Variants in ASIC2 observed in about 807,000 individuals in gnomAD.
ASIC2 encodes acid sensing ion channel subunit 2, also known as acid-sensing ion channel 2.
Under a neutral mutation model 57.3 loss-of-function variants are expected in ASIC2, and 25 were observed. The ratio of observed to expected loss-of-function variants is 0.44; its 90% confidence interval spans 0.32 to 0.61. The LOEUF (loss-of-function observed/expected upper bound fraction) is 0.61. Among genes scored for constraint, ASIC2 ranks in the 20% least tolerant of loss-of-function variants. ASIC2 has a pLI of 0.06. For missense variants in ASIC2, 641 were observed against 738.1 expected (o/e 0.87, Z 1.52); for synonymous variants, 319 against 307.5 (o/e 1.04, Z -0.39).
chr17:33,019,324 G>T (rs901341128), intron 7 of ASIC2, among the ~76,000 whole-genome samples: 2 of 151,928 alleles, frequency 1.3e-5, no homozygotes. Context: ...CTGTGGAGGT[G>T]AGCAGAGTGT....
chr17:33,711,685 A>T (rs932642728), intron 1 of ASIC2, among the ~76,000 whole-genome samples: 1 of 152,150 alleles, frequency 6.6e-6, no homozygotes, highest in Non-Finnish European at 1.5e-5. Flanking sequence ...GAAGAGAGAG[A>T]GAGTGAAGGG....
At chr17:33,882,353 T>C (rs1914721752) in intron 1 of ASIC2, among the ~76,000 whole-genome samples, 1 of 152,104 alleles carries the variant, frequency 6.6e-6, no homozygotes, top group South Asian at 2.1e-4. Context: ...ATTTTTGCAA[T>C]CTACTCATCT....
In ASIC2 at chr17:34,067,882, C is replaced by T. The variant is rs139745933; in HGVS notation, c.555+88096G>A. ...TATGGTATAGCAATATATAGATACA[C>T]AGATGATAGACAGATGGATAAATGA... On this transcript the variant is annotated intron_variant, in intron 1 of 9. Coordinates refer to the ASIC2 transcript ENST00000359872. 7.0e-3 allele frequency among the ~76,000 whole-genome samples: 1,059 copies of T among 152,280 alleles called. 9 individuals are homozygous for T. Among genetic ancestry groups the T allele is most frequent in the African/African-American group, 0.024 (991 of 41,554 alleles).
intron 1 of ASIC2, among the ~76,000 whole-genome samples, chr17:33,115,214 T>G (rs1597585140): frequency 1.3e-5 from 2 of 152,242 alleles, no homozygotes; most frequent in East Asian, 3.9e-4. Context: ...ACGTGCCAGG[T>G]GTGAGCTGAC....
chr17:33,488,305 G>A (rs892030350), intron 1 of ASIC2, among the ~76,000 whole-genome samples: 22 of 152,024 alleles, frequency 1.4e-4, no homozygotes, highest in African/African-American at 5.1e-4. Context: ...CCTCACCTCC[G>A]CACCTTCGCA....
At chr17:33,814,336 C>T (rs972319830) in intron 1 of ASIC2, among the ~76,000 whole-genome samples, 3 of 152,082 alleles carry the variant, frequency 2.0e-5, no homozygotes, top group Admixed American at 2.0e-4. Flanking sequence ...AAAAAGTATC[C>T]GTGTGTGACC....
chr17:34,007,188 T>C (rs1473825793), intron 1 of ASIC2, among the ~76,000 whole-genome samples: 1 of 152,176 alleles, frequency 6.6e-6, no homozygotes, highest in Non-Finnish European at 1.5e-5. Context: ...AAATCGATTT[T>C]AGAGCTCAAG....
intron 1 of ASIC2, among the ~76,000 whole-genome samples, chr17:33,271,066 T>C (rs1332149538): frequency 6.6e-6 from 1 of 152,176 alleles, no homozygotes; most frequent in Non-Finnish European, 1.5e-5. Context: ...CTCCTGCTTC[T>C]AAACAGGGGA....
intron 1 of ASIC2, among the ~76,000 whole-genome samples, chr17:33,438,333 C>T (rs776929760): frequency 6.6e-6 from 1 of 152,156 alleles, no homozygotes; most frequent in Non-Finnish European, 1.5e-5. Context: ...AATGATTGTG[C>T]AAGCCCATGG....
intron 1 of ASIC2, among the ~76,000 whole-genome samples, chr17:33,453,307 T>C (rs1338356288): frequency 6.7e-6 from 1 of 150,204 alleles, no homozygotes; most frequent in Non-Finnish European, 1.5e-5. Flanking sequence ...AAAAAGAAAC[T>C]GATTTTACAT....
chr17:34,095,629 A>AT (rs55666781), intron 1 of ASIC2, among the ~76,000 whole-genome samples: 3 of 80,792 alleles, frequency 3.7e-5, no homozygotes, highest in African/African-American at 1.0e-4. Flanking sequence ...ATATATATAT[A>AT]ATTTTATATA....
chr17:33,180,881 C>T (rs147379641), intron 1 of ASIC2, among the ~76,000 whole-genome samples: 2 of 152,082 alleles, frequency 1.3e-5, no homozygotes, highest in East Asian at 3.9e-4. Context: ...CCAAGCAAGT[C>T]TGGTTGGTTC....
intron 1 of ASIC2, among the ~76,000 whole-genome samples, chr17:33,381,493 C>A (rs1909486797): frequency 6.6e-6 from 1 of 152,246 alleles, no homozygotes; most frequent in Non-Finnish European, 1.5e-5. Context: ...TGTGTGCTTT[C>A]ATCCAGGAGG....
chr17:33,292,035 C>T lies in ASIC2; in HGVS notation c.81G>A (p.Pro27=). The T allele has an allele frequency of 1.7e-6, 2 of 1,155,320 alleles. No individual in the cohort carries two copies. Among genetic ancestry groups the T allele is most frequent in the Non-Finnish European group, 2.1e-6 (2 of 944,908 alleles). 71.6% of individuals were successfully genotyped at this position (1,155,320 alleles called of 1,614,324 possible). A position where few individuals can be genotyped will look rare whatever the true frequency, so the allele number is the denominator to read the frequency against. ...CGGCAGCCGCCAACGCCGCGGGCGC[C>T]GGCTCCTCGCGGGCCATGCGGAAGC... ...PGRFRMAREE[P]APAALAAAGQ... Residue 27 remains proline, a synonymous_variant, in exon 1 of 10, where the codon CCG becomes CCA. Coordinates refer to ENST00000225823, the MANE Select transcript of ASIC2 (RefSeq NM_183377.2).
chr17:33,858,497 G>A (rs559318801), intron 1 of ASIC2, among the ~76,000 whole-genome samples: 6 of 152,190 alleles, frequency 3.9e-5, no homozygotes, highest in African/African-American at 1.4e-4. Flanking sequence ...CCTCATTAAC[G>A]CTGGGGTTAG....
At position 33,013,603 on chromosome 17, in the gene ASIC2, G is replaced by A; in HGVS notation, c.*362C>T. ...CTGGTCCCACTGCACGGGCAGCAGT[G>A]TGGACACTGGAAACCGCGTGGAGGA... is the stretch of plus-strand genomic sequence containing the variant. On this transcript the variant is annotated 3_prime_UTR_variant, in exon 10 of 10. Coordinates refer to ENST00000225823, the MANE Select transcript of ASIC2 (RefSeq NM_183377.2). 3.8e-6 allele frequency: 1 copy of A among 261,584 alleles called. No homozygotes were observed. Among genetic ancestry groups the A allele is most frequent in the Non-Finnish European group, 7.5e-6 (1 of 133,416 alleles). The allele number at this position is 261,584 out of a possible 1,614,324, so 16.2% of individuals were successfully genotyped here.
At chr17:33,157,787 C>T (rs115497957) in intron 1 of ASIC2, among the ~76,000 whole-genome samples, 80 of 152,334 alleles carry the variant, frequency 5.3e-4, no homozygotes, top group African/African-American at 1.8e-3. Context: ...GTGCTAATAA[C>T]GTTTCCCCGA....
intron 1 of ASIC2, among the ~76,000 whole-genome samples, chr17:33,726,919 T>G (rs2142087830): frequency 6.6e-6 from 1 of 152,312 alleles, no homozygotes; most frequent in South Asian, 2.1e-4. Context: ...TACCAAAAAT[T>G]TTTGGTAGAA....
chr17:33,761,875 G>C (rs1229622986), intron 1 of ASIC2, among the ~76,000 whole-genome samples: 2 of 145,638 alleles, frequency 1.4e-5, no homozygotes, highest in Admixed American at 6.9e-5. Flanking sequence ...ACCCTTTCCA[G>C]AGTCCTCATT....
Sources: gnomAD v4.1 joint callset for allele counts (sites outside exome capture counted in the v4.1 genomes callset) on GRCh38, gnomAD v4.1.1 for gene constraint, MANE v1.5 for transcripts, NCBI Gene and HGNC (gene_info 2026-07-23, HGNC 2026-07-21) for gene names.